HNF1B: variants seen among roughly 807,000 people sequenced by gnomAD.
HNF1B encodes hepatocyte nuclear factor 1-beta.
A neutral mutation model predicts 61.7 loss-of-function variants in HNF1B; 8 were observed. That is an observed-to-expected ratio of 0.13 (90% CI 0.08 to 0.23). The LOEUF is 0.23. Ranked by LOEUF, HNF1B falls within the 10% of genes least tolerant of loss-of-function variation. HNF1B has a pLI of 1.00. For synonymous variants in HNF1B, 314 were observed against 287.7 expected, an observed-to-expected ratio of 1.09 and a Z score of -0.93; for missense variants, 562 against 714.5, an observed-to-expected ratio of 0.79 and a Z score of 2.43.
chr17:37,718,207 T>C (rs948117020), intron 4 of HNF1B, among the ~76,000 whole-genome samples: 3 of 152,116 alleles, frequency 2.0e-5, no homozygotes, highest in Non-Finnish European at 2.9e-5. Context: ...GAAGCTAACA[T>C]GCATGGTGCA....
chr17:37,720,563 G>C (rs531325314), intron 4 of HNF1B, among the ~76,000 whole-genome samples: 8 of 151,898 alleles, frequency 5.3e-5, no homozygotes, highest in African/African-American at 1.7e-4. Context: ...ACTAATCCTA[G>C]GCTCAGTTTA....
intron 8 of HNF1B, among the ~76,000 whole-genome samples, chr17:37,697,598 C>T (rs2032427435): frequency 6.6e-6 from 1 of 152,318 alleles, no homozygotes; most frequent in African/African-American, 2.4e-5. Context: ...GATTGATAAA[C>T]CTTTCAAAGG....
intron 5 of HNF1B, among the ~76,000 whole-genome samples, chr17:37,708,874 C>G (rs1781011485): frequency 6.6e-6 from 1 of 152,184 alleles, no homozygotes; most frequent in African/African-American, 2.4e-5. Flanking sequence ...CGGGTCAGTG[C>G]TCCCCTCAGA....
intron 4 of HNF1B, among the ~76,000 whole-genome samples, chr17:37,723,719 C>T (rs1222906372): frequency 6.6e-6 from 1 of 151,730 alleles, no homozygotes; most frequent in Non-Finnish European, 1.5e-5. Context: ...CCAAGAAGGA[C>T]AAGGAAAGAG....
chr17:37,710,469 A>G (rs2032895467), intron 5 of HNF1B, 34 bp downstream of exon 5: 2 of 1,612,970 alleles, frequency 1.2e-6, no homozygotes, highest in East Asian at 4.5e-5. Flanking sequence ...TTATCTTATC[A>G]GCTCCAGAGC....
intron 5 of HNF1B, among the ~76,000 whole-genome samples, chr17:37,708,821 C>T (rs79305036): frequency 0.026 from 3,987 of 152,250 alleles, 178 homozygotes; most frequent in African/African-American, 0.092. Flanking sequence ...GCAGAGACCA[C>T]GACCAGGGCA....
intron 2 of HNF1B, among the ~76,000 whole-genome samples, chr17:37,738,077 G>A (rs919693838): frequency 1.3e-5 from 2 of 152,172 alleles, no homozygotes; most frequent in South Asian, 2.1e-4. Context: ...AATTGGGCAG[G>A]GCCCAAGCGT....
intron 4 of HNF1B, chr17:37,729,651 C>T (rs941951545): frequency 1.3e-5 from 2 of 152,226 alleles, no homozygotes; most frequent in Non-Finnish European, 2.9e-5. Context: ...GGGCAGGACG[C>T]GCAGCTCGTA....
chr17:37,730,467 T>G (rs985375747), intron 4 of HNF1B: 1 of 152,304 alleles, frequency 6.6e-6, no homozygotes, highest in African/African-American at 2.4e-5. Context: ...TGCTGGGCAC[T>G]GTCAGGCTCC....
chr17:37,731,869 G>A (rs570246918), intron 3 of HNF1B, 39 bp from the exon 4 acceptor site: 9 of 1,383,856 alleles, frequency 6.5e-6, no homozygotes, highest in African/African-American at 5.7e-5. Context: ...GTGAGGGGGG[G>A]CGGGGGGACT....
intron 6 of HNF1B, among the ~76,000 whole-genome samples, chr17:37,704,114 G>C (rs1402152418): frequency 6.6e-6 from 1 of 152,224 alleles, no homozygotes; most frequent in Non-Finnish European, 1.5e-5. Context: ...AGCTGTCATA[G>C]TGAAGCTGGA....
intron 5 of HNF1B, among the ~76,000 whole-genome samples, chr17:37,707,200 C>T (rs969820017): frequency 6.6e-6 from 1 of 151,076 alleles, no homozygotes; most frequent in Non-Finnish European, 1.5e-5. Flanking sequence ...ACTGCAGCTT[C>T]GAACTCCTGG....
chr17:37,726,997 T>G (rs1228929635), intron 4 of HNF1B, among the ~76,000 whole-genome samples: 4 of 152,096 alleles, frequency 2.6e-5, no homozygotes, highest in Non-Finnish European at 5.9e-5. Context: ...CCAGGTGAGC[T>G]TGCTGCCGAC....
At chr17:37,716,441 C>T (rs894823659) in intron 4 of HNF1B, among the ~76,000 whole-genome samples, 7 of 152,218 alleles carry the variant, frequency 4.6e-5, no homozygotes, top group Admixed American at 1.3e-4. Flanking sequence ...TCAAGTGATC[C>T]GCCCGCCTCA....
chr17:37,703,200 T>A (rs547588166), intron 6 of HNF1B, among the ~76,000 whole-genome samples: 1 of 152,348 alleles, frequency 6.6e-6, no homozygotes, highest in South Asian at 2.1e-4. Context: ...TTCTGGTGAT[T>A]CTCACCATTT....
intron 4 of HNF1B, 46 bp from the exon 5 acceptor site, chr17:37,710,709 G>C (rs1568645847): frequency 1.9e-6 from 3 of 1,587,230 alleles, no homozygotes; most frequent in Non-Finnish European, 2.6e-6. Context: ...TGCCACCAGG[G>C]TCCTGGAACA....
intron 8 of HNF1B, among the ~76,000 whole-genome samples, chr17:37,698,748 T>TA (rs1268109841): frequency 1.3e-5 from 2 of 152,122 alleles, no homozygotes; most frequent in African/African-American, 4.8e-5. Flanking sequence ...TCCTTGGAAA[T>TA]ACCTTTTCCA....
At chr17:37,719,137 T>C (rs2033222505) in intron 4 of HNF1B, among the ~76,000 whole-genome samples, 2 of 151,674 alleles carry the variant, frequency 1.3e-5, no homozygotes, top group African/African-American at 4.8e-5. Flanking sequence ...ATTATTGTTA[T>C]TATTATTTTG....
chr17:37,702,382 G>T (rs1365870613), intron 6 of HNF1B, among the ~76,000 whole-genome samples: 2 of 152,270 alleles, frequency 1.3e-5, no homozygotes, highest in East Asian at 3.9e-4. Flanking sequence ...AAAGGACAGG[G>T]GATGAATCCT....
Sources: allele counts gnomAD v4.1 joint callset (sites outside exome capture counted in the v4.1 genomes callset), GRCh38; gene constraint gnomAD v4.1.1; transcripts MANE v1.5; gene names NCBI Gene and HGNC (gene_info 2026-07-23, HGNC 2026-07-21).